The following KIF13A variants were observed in gnomAD, a reference collection of about 807,000 sequenced individuals.
KIF13A encodes the protein kinesin family member 13A.
A neutral mutation model predicts 212.2 loss-of-function variants in KIF13A; 79 were observed. The ratio of observed to expected loss-of-function variants is 0.37; its 90% confidence interval spans 0.31 to 0.45. The LOEUF (loss-of-function observed/expected upper bound fraction) is 0.45, where lower values mean the gene tolerates loss of function less well. Among genes scored for constraint, KIF13A ranks in the 20% least tolerant of loss-of-function variants. KIF13A has a pLI of 1.00. For synonymous variants in KIF13A, 789 were observed against 808.6 expected, an observed-to-expected ratio of 0.98 and a Z score of 0.41; for missense variants, 1,901 against 2,209.0, an observed-to-expected ratio of 0.86 and a Z score of 2.79.
intron 20 of KIF13A, among the ~76,000 whole-genome samples, chr6:17,802,109 C>T (rs1270254174): frequency 6.6e-6 from 1 of 152,048 alleles, no homozygotes; most frequent in Non-Finnish European, 1.5e-5. Context: ...CTGCTATCAT[C>T]CTAAACAGGG....
intron 11 of KIF13A, among the ~76,000 whole-genome samples, chr6:17,835,195 C>CAAAAAAAAAAAAA (rs61697144): frequency 2.2e-4 from 10 of 45,948 alleles, no homozygotes; most frequent in African/African-American, 2.8e-4. Context: ...CCGCCCCCGC[C>CAAAAAAAAAAAAA]AAAAAAAAAA....
chr6:17,985,502 G>C (rs1271396570), intron 2 of KIF13A, among the ~76,000 whole-genome samples: 1 of 152,064 alleles, frequency 6.6e-6, no homozygotes, highest in Non-Finnish European at 1.5e-5. Context: ...ACAAGGAGCA[G>C]GTGCCAAGCC....
At chr6:17,760,652 A>C, downstream of KIF13A, 1 of 593,742 alleles carries the variant, frequency 1.7e-6, no homozygotes, top group Non-Finnish European at 3.0e-6. Flanking sequence ...GAGGCTGTTG[A>C]TTCACCCAAG....
chr6:17,896,480 A>G (rs1314013321), intron 3 of KIF13A, among the ~76,000 whole-genome samples: 2 of 152,146 alleles, frequency 1.3e-5, no homozygotes, highest in Non-Finnish European at 2.9e-5. Context: ...GGAAAGGCCT[A>G]TATCTACTTT....
intron 3 of KIF13A, among the ~76,000 whole-genome samples, chr6:17,880,844 T>A (rs562002108): frequency 6.6e-6 from 1 of 152,086 alleles, no homozygotes; most frequent in African/African-American, 2.4e-5. Context: ...AGTATCGAAC[T>A]CCTGACCCCA....
At chr6:17,903,972 G>GT (rs1773272665) in intron 2 of KIF13A, among the ~76,000 whole-genome samples, 2 of 151,416 alleles carry the variant, frequency 1.3e-5, no homozygotes, top group African/African-American at 4.9e-5. Flanking sequence ...AGGCAACACA[G>GT]TAAGACCCCA....
chr6:17,775,742 A>G (rs1449968576), intron 34 of KIF13A, among the ~76,000 whole-genome samples: 13 of 152,150 alleles, frequency 8.5e-5, no homozygotes, highest in Admixed American at 8.5e-4. Context: ...TCAAGTTATG[A>G]GGTCTCGCTA....
rs1307875053 is a variant in KIF13A, at chr6:17,934,498, C to T, written c.147-36318G>A. ...CCCCAATAATATCATAATAAAAAGA[C>T]GCCGAAGGCCAGGCACCGTGGGTCA... On this transcript the variant is annotated intron_variant, in intron 2 of 38. Coordinates refer to ENST00000259711, the MANE Select transcript of KIF13A (RefSeq NM_022113.6). This position sits in a 1 kb window ranked among gnomAD's most constrained non-coding sequence, Gnocchi z 5.4. Among the ~76,000 whole-genome samples the T allele has an allele frequency of 2.0e-5, 3 of 152,070 alleles. No homozygotes were observed. Among genetic ancestry groups the T allele is most frequent in the Non-Finnish European group, 2.9e-5 (2 of 68,012 alleles).
At chr6:17,805,921 G>GA (rs1157619564) in intron 18 of KIF13A, among the ~76,000 whole-genome samples, 2 of 41,686 alleles carry the variant, frequency 4.8e-5, no homozygotes, top group Non-Finnish European at 9.6e-5. Context: ...TCATAAGCAC[G>GA]ATTTTTTTTT....
At chr6:17,977,672 T>C (rs145343588) in intron 2 of KIF13A, among the ~76,000 whole-genome samples, 2 of 152,286 alleles carry the variant, frequency 1.3e-5, no homozygotes, top group East Asian at 3.9e-4. Context: ...AGAGGAAAAA[T>C]AAGAATAACT....
At chr6:17,813,217 C>T (rs1459208611) in intron 17 of KIF13A, among the ~76,000 whole-genome samples, 6 of 152,156 alleles carry the variant, frequency 3.9e-5, no homozygotes, top group South Asian at 2.1e-4. Flanking sequence ...CAGTGGCTCA[C>T]GCTTATAATC....
Position 17,926,525 on chromosome 6 carries a change from C to A in KIF13A, c.147-28345G>T, listed in dbSNP as rs894903333. The stretch of plus-strand genomic sequence containing the variant: ...GGTATTACAGGTGTGAGCCACCATG[C>A]CTGGCCCCTGGTACGTTTCTTTAAA... On this transcript the variant is annotated intron_variant, in intron 2 of 38. Transcript: ENST00000259711. The surrounding 1 kb of genome is among the most constrained non-coding windows in gnomAD (Gnocchi z 4.3). Among the ~76,000 whole-genome samples, 10 of 152,136 alleles carry A rather than the reference C, an allele frequency of 6.6e-5. No individual in the cohort carries two copies. Among genetic ancestry groups the A allele is most frequent in the African/African-American group, 2.4e-4 (10 of 41,412 alleles).
At chr6:17,890,311 T>C (rs1028041389) in intron 3 of KIF13A, among the ~76,000 whole-genome samples, 2 of 152,130 alleles carry the variant, frequency 1.3e-5, no homozygotes, top group African/African-American at 4.8e-5. Context: ...TCTTTTTTTA[T>C]TCCTGTGTGT....
chr6:17,924,361 A>C (rs1775320883), intron 2 of KIF13A, among the ~76,000 whole-genome samples: 1 of 152,224 alleles, frequency 6.6e-6, no homozygotes, highest in African/African-American at 2.4e-5. Flanking sequence ...ACTTGAAATA[A>C]GTTAAATTGC....
chr6:17,839,343 T>A lies in KIF13A; in HGVS notation c.831-1760A>T, dbSNP rs1345310159. Among the ~76,000 whole-genome samples, 1 of 152,088 alleles carries A rather than the reference T, an allele frequency of 6.6e-6. No homozygotes were observed. The highest frequency in any genetic ancestry group is 1.9e-4 in the East Asian group (1 of 5,192). On this transcript the variant is annotated intron_variant, in intron 9 of 38. Transcript: ENST00000259711. This position sits in a 1 kb window ranked among gnomAD's most constrained non-coding sequence, Gnocchi z 4.3. Reference sequence around the variant, plus strand: ...ATAAGTCTACACAGAAACTTGTACATGAATATTCAAAGCAGCTTTATCCAC... The same window carrying A: ...ATAAGTCTACACAGAAACTTGTACAAGAATATTCAAAGCAGCTTTATCCAC...
chr6:17,781,479 T>C (rs192389300), intron 29 of KIF13A, among the ~76,000 whole-genome samples, 178 bp from the exon 30 acceptor site: 2 of 152,274 alleles, frequency 1.3e-5, no homozygotes, highest in Non-Finnish European at 2.9e-5. Context: ...ACAGCTTTTT[T>C]TCTTTTTTAA....
At chr6:17,814,186 C>T (rs1193438252) in intron 17 of KIF13A, among the ~76,000 whole-genome samples, 9 of 150,190 alleles carry the variant, frequency 6.0e-5, no homozygotes, top group Non-Finnish European at 1.0e-4. Context: ...CTCCTGACCT[C>T]GTGATCTGCC....
intron 3 of KIF13A, among the ~76,000 whole-genome samples, chr6:17,879,113 C>G (rs1770831465): frequency 6.6e-6 from 1 of 152,208 alleles, no homozygotes; most frequent in African/African-American, 2.4e-5. Context: ...CTTTTCTCAG[C>G]TGGAAGTGAT....
At chr6:17,765,753 T>A (rs1380152275) in intron 38 of KIF13A, among the ~76,000 whole-genome samples, 1 of 152,236 alleles carries the variant, frequency 6.6e-6, no homozygotes. Flanking sequence ...GATTCTTTTA[T>A]ATTTGGTAGA....
Sources: allele counts gnomAD v4.1 joint callset (sites outside exome capture counted in the v4.1 genomes callset), GRCh38; gene constraint gnomAD v4.1.1; non-coding constraint Gnocchi (gnomAD v3.1); transcripts MANE v1.5; gene names NCBI Gene and HGNC (gene_info 2026-07-23, HGNC 2026-07-21).